HDAC4: variants seen among roughly 807,000 people sequenced by gnomAD.
The protein encoded by HDAC4 is histone deacetylase 4.
Under a neutral mutation model 135.1 loss-of-function variants are expected in HDAC4, and 16 were observed. The observed-to-expected ratio is 0.12, with a 90% confidence interval of 0.08 to 0.18. The LOEUF (loss-of-function observed/expected upper bound fraction) is 0.18. HDAC4 is among the 10% of genes least tolerant of loss of function. The pLI is 1.00. For synonymous variants in HDAC4, 685 were observed against 653.4 expected, an observed-to-expected ratio of 1.05 and a Z score of -0.74; for missense variants, 1,143 against 1,511.8, an observed-to-expected ratio of 0.76 and a Z score of 4.05.
At chr2:239,118,699 G>A (rs2039363179) in intron 12 of HDAC4, among the ~76,000 whole-genome samples, 2 of 152,140 alleles carry the variant, frequency 1.3e-5, no homozygotes, top group Admixed American at 6.5e-5. Context: ...AAATCATCAC[G>A]CCGTACGCTG....
intron 1 of HDAC4, among the ~76,000 whole-genome samples, chr2:239,396,217 CCT>C (rs576023824): frequency 7.8e-4 from 117 of 150,862 alleles, no homozygotes; most frequent in Middle Eastern, 3.4e-3. Flanking sequence ...CTCAAGTGAT[CCT>C]CTCACCTTGG....
At chr2:239,208,614 C>G (rs1358100901) in intron 3 of HDAC4, among the ~76,000 whole-genome samples, 1 of 152,124 alleles carries the variant, frequency 6.6e-6, no homozygotes, top group Non-Finnish European at 1.5e-5. Flanking sequence ...GAACACAACT[C>G]CTGATCCAGA....
chr2:239,280,236 C>T (rs575468630), intron 2 of HDAC4, among the ~76,000 whole-genome samples: 1 of 151,898 alleles, frequency 6.6e-6, no homozygotes, highest in East Asian at 1.9e-4. Flanking sequence ...ATGCCAGCAA[C>T]CCAAGAGTGG....
intron 4 of HDAC4, among the ~76,000 whole-genome samples, chr2:239,188,957 A>G (rs2044724606): frequency 6.6e-6 from 1 of 152,236 alleles, no homozygotes; most frequent in African/African-American, 2.4e-5. Flanking sequence ...ATAACAACAT[A>G]ATGGGAGACC....
At chr2:239,110,690 G>T (rs1233112072) in intron 14 of HDAC4, among the ~76,000 whole-genome samples, 1 of 152,248 alleles carries the variant, frequency 6.6e-6, no homozygotes, top group Non-Finnish European at 1.5e-5. Context: ...TGTATTTACA[G>T]AACATTTTTC....
intron 24 of HDAC4, among the ~76,000 whole-genome samples, chr2:239,062,483 G>A (rs1007363704): frequency 6.6e-6 from 1 of 152,250 alleles, no homozygotes; most frequent in African/African-American, 2.4e-5. Flanking sequence ...TAAAACTAGT[G>A]CTTCCTCCTT....
chr2:239,142,200 T>C (rs1034530573), intron 8 of HDAC4, among the ~76,000 whole-genome samples: 1 of 152,158 alleles, frequency 6.6e-6, no homozygotes, highest in African/African-American at 2.4e-5. Context: ...AGACACCCAA[T>C]TAATTAGTGA....
chr2:239,241,164 A>G (rs1025223760), intron 2 of HDAC4, among the ~76,000 whole-genome samples: 1 of 152,128 alleles, frequency 6.6e-6, no homozygotes, highest in Non-Finnish European at 1.5e-5. Context: ...GCCCTCCACC[A>G]AGGGTTTCAC....
At chr2:239,070,165 G>C (rs1180375674) in intron 22 of HDAC4, among the ~76,000 whole-genome samples, 1 of 151,452 alleles carries the variant, frequency 6.6e-6, no homozygotes, top group Non-Finnish European at 1.5e-5. Flanking sequence ...GTGGCCGAGA[G>C]GGCGGAGAGC....
intron 11 of HDAC4, among the ~76,000 whole-genome samples, chr2:239,128,581 G>A (rs745688716): frequency 7.2e-5 from 11 of 152,162 alleles, no homozygotes; most frequent in Non-Finnish European, 1.3e-4. Context: ...GTTGACGTGT[G>A]TATTACGTGG....
chr2:239,340,876 G>A (rs1255401635), intron 2 of HDAC4, among the ~76,000 whole-genome samples: 1 of 152,080 alleles, frequency 6.6e-6, no homozygotes, highest in African/African-American at 2.4e-5. Context: ...CTGAAGATCT[G>A]GCCCCCTCTT....
At chr2:239,078,543 A>C (rs530923517) in intron 22 of HDAC4, among the ~76,000 whole-genome samples, 54 of 152,276 alleles carry the variant, frequency 3.5e-4, no homozygotes, top group African/African-American at 1.1e-3. Context: ...TAAAAAAAAA[A>C]CCCTGAAACA....
intron 2 of HDAC4, among the ~76,000 whole-genome samples, chr2:239,311,543 C>T (rs1326180073): frequency 1.3e-5 from 2 of 152,068 alleles, no homozygotes; most frequent in African/African-American, 2.4e-5. Context: ...AAACGGCACC[C>T]GCGACTGAGG....
At chr2:239,371,554 C>G (rs1196605250) in intron 1 of HDAC4, among the ~76,000 whole-genome samples, 1 of 152,126 alleles carries the variant, frequency 6.6e-6, no homozygotes, top group Admixed American at 6.5e-5. Flanking sequence ...TGCAAACATG[C>G]ACTCATGCTC....
intron 1 of HDAC4, among the ~76,000 whole-genome samples, chr2:239,371,965 G>A (rs1308921042): frequency 6.6e-6 from 1 of 152,244 alleles, no homozygotes; most frequent in Non-Finnish European, 1.5e-5. Flanking sequence ...ACATCCAGCA[G>A]CTGGCGGACG....
At chr2:239,291,019 A>G (rs1409250034) in intron 2 of HDAC4, among the ~76,000 whole-genome samples, 1 of 152,184 alleles carries the variant, frequency 6.6e-6, no homozygotes, top group Non-Finnish European at 1.5e-5. Flanking sequence ...GGACAAAAGG[A>G]AAGAGCCGTT....
At chr2:239,145,403 G>C (rs1008074390) in intron 7 of HDAC4, among the ~76,000 whole-genome samples, 1 of 106,122 alleles carries the variant, frequency 9.4e-6, no homozygotes, top group Admixed American at 8.3e-5. Flanking sequence ...GAACAGCTCT[G>C]CCTGTGTGGA....
chr2:239,149,199 T>G (rs1372940892), intron 7 of HDAC4, among the ~76,000 whole-genome samples: 1 of 151,912 alleles, frequency 6.6e-6, no homozygotes, highest in Non-Finnish European at 1.5e-5. Flanking sequence ...GTCAGGAGTT[T>G]GAGACCAGCG....
intron 3 of HDAC4, among the ~76,000 whole-genome samples, chr2:239,204,649 G>A (rs372383850): frequency 9.3e-4 from 142 of 152,328 alleles, no homozygotes; most frequent in African/African-American, 3.3e-3. Flanking sequence ...CTCAGGAAGG[G>A]CTTAGGGATG....
Sources: allele counts gnomAD v4.1 joint callset (sites outside exome capture counted in the v4.1 genomes callset), GRCh38; gene constraint gnomAD v4.1.1; transcripts MANE v1.5; gene names NCBI Gene and HGNC (gene_info 2026-07-23, HGNC 2026-07-21).